The following DACH1 variants were observed in gnomAD, a reference collection of about 807,000 sequenced individuals.
DACH1 encodes dachshund family transcription factor 1, also known as dachshund homolog 1.
A neutral mutation model predicts 54.2 loss-of-function variants in DACH1; 12 were observed. That is an observed-to-expected ratio of 0.22 (90% confidence interval 0.14 to 0.36). The LOEUF (loss-of-function observed/expected upper bound fraction) is 0.36, where lower values mean the gene tolerates loss of function less well. DACH1 is among the 10% of genes least tolerant of loss of function. The pLI is 1.00. For synonymous variants in DACH1, 386 were observed against 366.2 expected (o/e 1.05, Z -0.62); for missense variants, 805 against 929.8 (o/e 0.87, Z 1.75).
intron 2 of DACH1, among the ~76,000 whole-genome samples, chr13:71,639,641 A>C (rs1336242715): frequency 6.6e-6 from 1 of 152,068 alleles, no homozygotes; most frequent in East Asian, 1.9e-4. Flanking sequence ...TAAAATCTCA[A>C]TTTCTCAGAC....
intron 1 of DACH1, among the ~76,000 whole-genome samples, chr13:71,730,840 AT>A (rs10708888): frequency 0.046 from 6,889 of 149,708 alleles, 486 homozygotes; most frequent in African/African-American, 0.16. Context: ...ACAAATCAGT[AT>A]TTTTTTTTTG....
Position 71,462,871 on chromosome 13 carries a change from TACAC to T in DACH1, c.2083+12266_2083+12269del, listed in dbSNP as rs374818301. 6.9e-3 allele frequency among the ~76,000 whole-genome samples: 714 copies of T among 102,868 alleles called. 4 individuals are homozygous for T. Among genetic ancestry groups the T allele is most frequent in the African/African-American group, 0.02 (672 of 33,398 alleles). 67.5% of individuals were successfully genotyped at this position (102,868 alleles called of 152,430 possible). A position where few individuals can be genotyped will look rare whatever the true frequency, so the allele number is the denominator to read the frequency against. Reference sequence around the variant, plus strand: ...ATTCCAGGTCTAGAATCTATCTATCTACACACACACACACACACACACACACACA... The same window carrying T: ...ATTCCAGGTCTAGAATCTATCTATCTACACACACACACACACACACACACA... On this transcript the variant is annotated intron_variant, in intron 10 of 10. Coordinates refer to ENST00000613252, the MANE Select transcript of DACH1 (RefSeq NM_080759.6).
chr13:71,667,060 A>T (rs1032440176), intron 2 of DACH1, among the ~76,000 whole-genome samples: 1 of 152,138 alleles, frequency 6.6e-6, no homozygotes, highest in Non-Finnish European at 1.5e-5. Context: ...TTTCATATAG[A>T]ATAGGAATAT....
intron 1 of DACH1, among the ~76,000 whole-genome samples, chr13:71,853,246 C>A (rs1188414412): frequency 6.6e-6 from 1 of 152,128 alleles, no homozygotes; most frequent in Non-Finnish European, 1.5e-5. Flanking sequence ...AGTATTTGAA[C>A]AGTTCAATAG....
chr13:71,440,508 T>TTA lies in DACH1; in HGVS notation c.*146_*147insTA. 1 of 584,654 alleles carries TTA rather than the reference T, an allele frequency of 1.7e-6. No homozygotes were observed. The highest frequency in any genetic ancestry group is 2.9e-6 in the Non-Finnish European group (1 of 343,308). The allele number at this position is 584,654 out of a possible 1,614,324, so 36.2% of individuals were successfully genotyped here. ...ATGGAGAAAACTTTTTTTTTTTTTGTAGAATACTTAAACTTTTAAAGAACA... is the reference window on the plus strand; with the variant it reads ...ATGGAGAAAACTTTTTTTTTTTTTGTTAAGAATACTTAAACTTTTAAAGAACA... On this transcript the variant is annotated 3_prime_UTR_variant, in exon 11 of 11. Coordinates refer to ENST00000613252, the MANE Select transcript of DACH1 (RefSeq NM_080759.6).
chr13:71,798,113 A>C (rs1887132468), intron 1 of DACH1, among the ~76,000 whole-genome samples: 1 of 151,918 alleles, frequency 6.6e-6, no homozygotes, highest in African/African-American at 2.4e-5. Context: ...AAAAATAGGT[A>C]TAGAAAAGTA....
At chr13:71,786,547 C>T (rs928362789) in intron 1 of DACH1, among the ~76,000 whole-genome samples, 8 of 152,070 alleles carry the variant, frequency 5.3e-5, no homozygotes, top group African/African-American at 1.9e-4. Context: ...AAAATTAGAT[C>T]TTTACAACCT....
chr13:71,865,279 C>T (rs940539627), intron 1 of DACH1, among the ~76,000 whole-genome samples: 1 of 152,180 alleles, frequency 6.6e-6, no homozygotes, highest in African/African-American at 2.4e-5. Flanking sequence ...CGGAGCCCAT[C>T]CCCCGGGATG....
intron 1 of DACH1, among the ~76,000 whole-genome samples, chr13:71,852,628 T>C (rs558229882): frequency 6.6e-6 from 1 of 152,332 alleles, no homozygotes; most frequent in South Asian, 2.1e-4. Flanking sequence ...AGCGATGCTC[T>C]CTTTGAATGA....
chr13:71,470,214 G>A (rs1325082533), intron 10 of DACH1, among the ~76,000 whole-genome samples: 2 of 151,920 alleles, frequency 1.3e-5, no homozygotes, highest in Non-Finnish European at 2.9e-5. Context: ...GTGAAAAGAA[G>A]AAAATAAAGT....
intron 3 of DACH1, among the ~76,000 whole-genome samples, chr13:71,575,779 C>T (rs1401740790): frequency 1.3e-5 from 2 of 151,932 alleles, no homozygotes; most frequent in African/African-American, 2.4e-5. Flanking sequence ...TAGCCATCTC[C>T]GCCAATCATC....
Position 71,866,364 on chromosome 13 carries a change from C to G in DACH1, c.406G>C (p.Ala136Pro), listed in dbSNP as rs992608837. 1 of 1,516,370 alleles carries G rather than the reference C, an allele frequency of 6.6e-7. No individual in the cohort carries two copies. Among genetic ancestry groups the G allele is most frequent in the Non-Finnish European group, 8.9e-7 (1 of 1,129,464 alleles). The allele number at this position is 1,516,370 out of a possible 1,614,324, so 93.9% of individuals were successfully genotyped here. ...GGVASSTPINASTGSSSSSSS... is the reference protein window; with the variant it reads ...GGVASSTPINPSTGSSSSSSS... The stretch of plus-strand genomic sequence containing the variant: ...CTGCTGCTGCTGCTGCCGGTGCTGG[C>G]GTTGATGGGGGTGCTGGAAGCGACG... Residue 136 changes from alanine to proline, a missense_variant, in exon 1 of 11, where the codon GCC (alanine) becomes CCC (proline). Physicochemically the swap from Ala to Pro is conservative, Grantham distance 27. Coordinates refer to ENST00000613252, the MANE Select transcript of DACH1 (RefSeq NM_080759.6).
At chr13:71,776,542 G>A (rs975004159) in intron 1 of DACH1, among the ~76,000 whole-genome samples, 1 of 151,876 alleles carries the variant, frequency 6.6e-6, no homozygotes, top group Non-Finnish European at 1.5e-5. Context: ...TTTCCATTTT[G>A]GGTGATGCTA....
intron 1 of DACH1, among the ~76,000 whole-genome samples, chr13:71,825,037 G>T (rs546223737): frequency 9.2e-5 from 14 of 152,052 alleles, no homozygotes; most frequent in African/African-American, 3.1e-4. Context: ...ATCACTGATT[G>T]ACTTGGAAGG....
intron 1 of DACH1, among the ~76,000 whole-genome samples, chr13:71,784,611 G>A (rs913664494): frequency 6.6e-6 from 1 of 151,906 alleles, no homozygotes; most frequent in Non-Finnish European, 1.5e-5. Context: ...TTCAATCACT[G>A]CAATTATACA....
chr13:71,692,838 T>G (rs867406489), intron 1 of DACH1, among the ~76,000 whole-genome samples: 2 of 152,118 alleles, frequency 1.3e-5, no homozygotes, highest in African/African-American at 4.8e-5. Flanking sequence ...CTATTTTAAA[T>G]GTATTTTCTT....
chr13:71,690,667 C>T (rs767217943), intron 1 of DACH1, among the ~76,000 whole-genome samples: 3 of 152,148 alleles, frequency 2.0e-5, no homozygotes, highest in Non-Finnish European at 2.9e-5. Flanking sequence ...TGCGGTGGCT[C>T]ACGCCTATAA....
intron 3 of DACH1, among the ~76,000 whole-genome samples, chr13:71,574,073 C>T (rs1004384261): frequency 6.6e-6 from 1 of 152,028 alleles, no homozygotes; most frequent in African/African-American, 2.4e-5. Flanking sequence ...GAATATAATG[C>T]CAAAGCAAAA....
chr13:71,717,783 A>C (rs2138794120), intron 1 of DACH1, among the ~76,000 whole-genome samples: 1 of 152,150 alleles, frequency 6.6e-6, no homozygotes, highest in Non-Finnish European at 1.5e-5. Context: ...CACATTTGAG[A>C]CTTGCCATAT....
Sources: allele counts gnomAD v4.1 joint callset (sites outside exome capture counted in the v4.1 genomes callset), GRCh38; gene constraint gnomAD v4.1.1; transcripts MANE v1.5; gene names NCBI Gene and HGNC (gene_info 2026-07-23, HGNC 2026-07-21).